The following CACNB2 variants were observed in gnomAD, a reference collection of about 807,000 sequenced individuals.
CACNB2 encodes calcium voltage-gated channel auxiliary subunit beta 2, also known as voltage-dependent L-type calcium channel subunit beta-2.
A neutral mutation model predicts 73.3 loss-of-function variants in CACNB2; 42 were observed. That is an observed-to-expected ratio of 0.57 (90% confidence interval 0.45 to 0.74). The LOEUF (loss-of-function observed/expected upper bound fraction) is 0.74. Ranked by LOEUF, CACNB2 falls within the 30% of genes least tolerant of loss-of-function variation. The pLI, the probability that CACNB2 is intolerant of heterozygous loss-of-function variation, is 0.00. For synonymous variants in CACNB2, 348 were observed against 310.3 expected (o/e 1.12, Z -1.28); for missense variants, 940 against 853.0 (o/e 1.10, Z -1.27).
chr10:18,311,156 T>C lies in CACNB2; in HGVS notation c.214-90768T>C, dbSNP rs114397568. ...TCCTTGTATTTTTGTTTCCCTGAAA[T>C]TGGTTTATCTGCTTATTTTGGACCT... On this transcript the variant is annotated intron_variant, in intron 2 of 13. Coordinates refer to ENST00000324631, the MANE Select transcript of CACNB2 (RefSeq NM_201596.3). Among the ~76,000 whole-genome samples, 736 of 152,310 alleles carry C rather than the reference T, an allele frequency of 4.8e-3. 6 individuals are homozygous for C. Among genetic ancestry groups the C allele is most frequent in the African/African-American group, 0.017 (700 of 41,574 alleles).
At chr10:18,326,445 G>T (rs183234995) in intron 2 of CACNB2, among the ~76,000 whole-genome samples, 1 of 152,310 alleles carries the variant, frequency 6.6e-6, no homozygotes, top group Non-Finnish European at 1.5e-5. Context: ...GCAAAGAGCA[G>T]AAAATTCGTG....
At chr10:18,200,081 TCAAA>T (rs1046305669) in intron 2 of CACNB2, among the ~76,000 whole-genome samples, 2 of 151,796 alleles carry the variant, frequency 1.3e-5, no homozygotes, top group African/African-American at 2.4e-5. Context: ...TTTTTAAAAA[TCAAA>T]CAGACATCCT....
chr10:18,182,572 A>T (rs1358179021), intron 2 of CACNB2, among the ~76,000 whole-genome samples: 1 of 151,678 alleles, frequency 6.6e-6, no homozygotes, highest in East Asian at 1.9e-4. Flanking sequence ...CTGTAATCCC[A>T]GCACTTTGGG....
intron 2 of CACNB2, among the ~76,000 whole-genome samples, chr10:18,220,032 G>T (rs1400476839): frequency 6.9e-6 from 1 of 144,876 alleles, no homozygotes; most frequent in Non-Finnish European, 1.5e-5. Context: ...CTCCCAAAAT[G>T]CTGGGATTAC....
At chr10:18,285,794 T>TAG (rs2038761871) in intron 2 of CACNB2, among the ~76,000 whole-genome samples, 1 of 152,220 alleles carries the variant, frequency 6.6e-6, no homozygotes, top group African/African-American at 2.4e-5. Context: ...ACTTTTGACA[T>TAG]ACTATAAACT....
intron 3 of CACNB2, among the ~76,000 whole-genome samples, chr10:18,440,075 C>G (rs1035891887): frequency 1.3e-5 from 2 of 152,170 alleles, no homozygotes; most frequent in African/African-American, 4.8e-5. Context: ...CCGGTAGATT[C>G]AGTGTCTGGG....
chr10:18,388,874 A>T (rs142434042), intron 2 of CACNB2, among the ~76,000 whole-genome samples: 1 of 152,038 alleles, frequency 6.6e-6, no homozygotes, highest in African/African-American at 2.4e-5. Flanking sequence ...TCTGTTTTTC[A>T]TGTGCATAAA....
intron 3 of CACNB2, among the ~76,000 whole-genome samples, chr10:18,417,031 A>AT (rs2045010005): frequency 6.6e-6 from 1 of 151,356 alleles, no homozygotes; most frequent in African/African-American, 2.4e-5. Context: ...CAGAAAGTGC[A>AT]TTAAAAAAAA....
At chr10:18,340,709 G>A (rs2041196474) in intron 2 of CACNB2, 2 of 1,439,774 alleles carry the variant, frequency 1.4e-6, no homozygotes, top group Middle Eastern at 2.6e-4. Context: ...CCTCTGCTCT[G>A]CCTAAGTGGT....
At chr10:18,450,871 A>C (rs551246563) in intron 3 of CACNB2, among the ~76,000 whole-genome samples, 53 of 152,214 alleles carry the variant, frequency 3.5e-4, no homozygotes, top group African/African-American at 1.3e-3. Context: ...TCCTGACCTC[A>C]GGTGATCCAC....
intron 2 of CACNB2, among the ~76,000 whole-genome samples, chr10:18,371,255 T>G (rs2132292292): frequency 6.6e-6 from 1 of 152,298 alleles, no homozygotes. Context: ...GTACACAACG[T>G]GCAGGTTTGT....
rs955095017 is a variant in CACNB2, at chr10:18,277,161, A to C, written c.214-124763A>C. Among the ~76,000 whole-genome samples the C allele has an allele frequency of 3.3e-5, 5 of 152,276 alleles. No homozygotes were observed. In the South Asian group the frequency reaches 6.2e-4, roughly 19 times the overall value. On this transcript the variant is annotated intron_variant, in intron 2 of 13. Transcript: ENST00000324631. The stretch of plus-strand genomic sequence containing the variant: ...GAGGGTCATGGCAAGCCAAATTCTG[A>C]GTAAAGAATCCCGTGAGGAAGTGGA...
At chr10:18,194,892 T>G (rs941313233) in intron 2 of CACNB2, among the ~76,000 whole-genome samples, 2 of 152,214 alleles carry the variant, frequency 1.3e-5, no homozygotes, top group Non-Finnish European at 2.9e-5. Flanking sequence ...TATAGTGATG[T>G]TGATTTCCAG....
intron 10 of CACNB2, among the ~76,000 whole-genome samples, chr10:18,529,496 C>T (rs2052787676): frequency 6.6e-6 from 1 of 152,154 alleles, no homozygotes; most frequent in Non-Finnish European, 1.5e-5. Flanking sequence ...CTGCAGGAGG[C>T]ACAGGGAAAG....
intron 2 of CACNB2, among the ~76,000 whole-genome samples, chr10:18,181,375 T>A (rs1366528797): frequency 6.6e-6 from 1 of 152,092 alleles, no homozygotes; most frequent in Non-Finnish European, 1.5e-5. Flanking sequence ...AGAAGCTCAA[T>A]CTTAATAGTG....
At chr10:18,446,346 G>T (rs1277706381) in intron 3 of CACNB2, among the ~76,000 whole-genome samples, 1 of 152,160 alleles carries the variant, frequency 6.6e-6, no homozygotes, top group East Asian at 1.9e-4. Flanking sequence ...AGAATTTTAA[G>T]CAAACTAATC....
intron 9 of CACNB2, among the ~76,000 whole-genome samples, chr10:18,519,199 G>A (rs2051589786): frequency 6.6e-6 from 1 of 152,032 alleles, no homozygotes; most frequent in Non-Finnish European, 1.5e-5. Context: ...CTGACCTTGG[G>A]CAGGACACCA....
chr10:18,228,030 C>T (rs532808728), intron 2 of CACNB2, among the ~76,000 whole-genome samples: 2 of 152,164 alleles, frequency 1.3e-5, no homozygotes, highest in Non-Finnish European at 2.9e-5. Context: ...TACATTCTTT[C>T]AGGGTAGGGG....
At chr10:18,180,033 G>C (rs2033794802) in intron 2 of CACNB2, among the ~76,000 whole-genome samples, 1 of 152,184 alleles carries the variant, frequency 6.6e-6, no homozygotes, top group Non-Finnish European at 1.5e-5. Context: ...CTGCTGGCTG[G>C]AGCTGGGGCT....
Sources: allele counts gnomAD v4.1 joint callset (sites outside exome capture counted in the v4.1 genomes callset), GRCh38; gene constraint gnomAD v4.1.1; transcripts MANE v1.5; gene names NCBI Gene and HGNC (gene_info 2026-07-23, HGNC 2026-07-21).